FSTL5: variants seen among roughly 807,000 people sequenced by gnomAD.
FSTL5 encodes the protein follistatin-related protein 5.
Under a neutral mutation model 89.1 loss-of-function variants are expected in FSTL5, and 62 were observed. That is an observed-to-expected ratio of 0.70 (90% CI 0.57 to 0.86). FSTL5 has a LOEUF of 0.86. Ranked by LOEUF, FSTL5 falls within the 40% of genes least tolerant of loss-of-function variation. FSTL5 has a pLI of 0.00. For synonymous variants in FSTL5, 383 were observed against 346.2 expected, an observed-to-expected ratio of 1.11 and a Z score of -1.18; for missense variants, 1,057 against 1,001.6, an observed-to-expected ratio of 1.06 and a Z score of -0.75.
At chr4:161,998,420 A>T (rs1736363512) in intron 3 of FSTL5, among the ~76,000 whole-genome samples, 1 of 152,166 alleles carries the variant, frequency 6.6e-6, no homozygotes, top group Non-Finnish European at 1.5e-5. Flanking sequence ...ACAGCAATTA[A>T]CAAACACTGG....
rs1733795112 is a variant in FSTL5 at position 162,163,904 on chromosome 4, G to C, written c.-306C>G. ...AGGGTGCAAGAGGGCGTTGCCTTCA[G>C]GTGCTGGAGCAACTGGTCCGCTCGC... On this transcript the variant is annotated 5_prime_UTR_variant, in exon 1 of 16. Coordinates refer to ENST00000306100, the MANE Select transcript of FSTL5 (RefSeq NM_020116.5). The C allele has an allele frequency of 6.6e-6, 1 of 152,356 alleles. No individual in the cohort carries two copies. Among genetic ancestry groups the C allele is most frequent in the South Asian group, 2.1e-4 (1 of 4,832 alleles). The allele number at this position is 152,356 out of a possible 1,614,324, so 9.4% of individuals were successfully genotyped here. A position where few individuals can be genotyped will look rare whatever the true frequency, so the allele number is the denominator to read the frequency against.
At chr4:161,823,300 G>T (rs1479150375) in intron 4 of FSTL5, among the ~76,000 whole-genome samples, 1 of 152,126 alleles carries the variant, frequency 6.6e-6, no homozygotes, top group African/African-American at 2.4e-5. Flanking sequence ...CATCCACAGA[G>T]CCCAAGCTGT....
chr4:161,511,755 A>C (rs1437339987), intron 10 of FSTL5, among the ~76,000 whole-genome samples: 1 of 152,124 alleles, frequency 6.6e-6, no homozygotes, highest in African/African-American at 2.4e-5. Flanking sequence ...ATTGAAAACA[A>C]ATAAATACAA....
intron 3 of FSTL5, among the ~76,000 whole-genome samples, chr4:161,938,258 A>G (rs919682031): frequency 1.2e-4 from 19 of 152,224 alleles, no homozygotes; most frequent in African/African-American, 4.3e-4. Flanking sequence ...TTTGTTCAAA[A>G]ACTGTATCAT....
chr4:162,123,397 A>G (rs945067740), intron 1 of FSTL5, among the ~76,000 whole-genome samples: 1 of 152,196 alleles, frequency 6.6e-6, no homozygotes, highest in African/African-American at 2.4e-5. Context: ...GATATTTTCC[A>G]GAGAGATCCC....
At chr4:161,388,293 T>C (rs190315756) in intron 15 of FSTL5, 101 of 152,208 alleles carry the variant, frequency 6.6e-4, no homozygotes, top group African/African-American at 1.9e-3. Context: ...CCATTCAGGA[T>C]AAATTTCAGT....
intron 2 of FSTL5, among the ~76,000 whole-genome samples, chr4:162,085,908 T>A (rs1232628643): frequency 1.3e-5 from 2 of 152,058 alleles, no homozygotes; most frequent in African/African-American, 4.8e-5. Flanking sequence ...TTAATTTATA[T>A]CACAAACTGT....
chr4:161,933,875 T>C (rs1370051439), intron 3 of FSTL5, among the ~76,000 whole-genome samples: 1 of 152,086 alleles, frequency 6.6e-6, no homozygotes, highest in Non-Finnish European at 1.5e-5. Context: ...TTTGCTTACA[T>C]TGAAAACAGC....
At chr4:161,642,867 A>G (rs113200108) in intron 7 of FSTL5, among the ~76,000 whole-genome samples, 2,678 of 152,266 alleles carry the variant, frequency 0.018, 72 homozygotes, top group African/African-American at 0.059. Context: ...AATTACGGAG[A>G]TGAATGTTGG....
intron 6 of FSTL5, among the ~76,000 whole-genome samples, chr4:161,671,978 C>T (rs899071543): frequency 6.6e-6 from 1 of 152,146 alleles, no homozygotes; most frequent in African/African-American, 2.4e-5. Context: ...GTGAATCATT[C>T]ACAGTACTAA....
rs565538925 is a variant in FSTL5, at chr4:162,086,715, T to C, written c.126+24556A>G. Among the ~76,000 whole-genome samples the C allele has an allele frequency of 3.9e-5, 6 of 152,168 alleles. No homozygotes were observed. In the South Asian group the frequency reaches 1.2e-3, roughly 32 times the overall value. ...TTTATTGATCTGAGAGCTATAGATTTGTATATTTTAAAAAAGAGCTTAAAA... is the reference window on the plus strand; with the variant it reads ...TTTATTGATCTGAGAGCTATAGATTCGTATATTTTAAAAAAGAGCTTAAAA... On this transcript the variant is annotated intron_variant, in intron 2 of 15. Coordinates refer to ENST00000306100, the MANE Select transcript of FSTL5 (RefSeq NM_020116.5).
intron 4 of FSTL5, among the ~76,000 whole-genome samples, chr4:161,840,972 C>G (rs1264009450): frequency 6.6e-6 from 1 of 152,122 alleles, no homozygotes; most frequent in African/African-American, 2.4e-5. Context: ...ATTTCTCCCC[C>G]AACACCTGGA....
At chr4:161,855,853 G>A (rs979304109) in intron 4 of FSTL5, among the ~76,000 whole-genome samples, 1 of 152,086 alleles carries the variant, frequency 6.6e-6, no homozygotes, top group Admixed American at 6.6e-5. Flanking sequence ...TTACAAAAGT[G>A]TGTACTATTT....
At position 162,077,200 on chromosome 4, in the gene FSTL5, G is replaced by A. The variant is rs77392392; in HGVS notation, c.126+34071C>T. ...GTGGTCTTCCCTGGCAGAAAAGCAC[G>A]AGAGGGCAAGAGAGTGAGGGAGAGA... On this transcript the variant is annotated intron_variant, in intron 2 of 15. Coordinates refer to ENST00000306100, the MANE Select transcript of FSTL5 (RefSeq NM_020116.5). Among the ~76,000 whole-genome samples the A allele has an allele frequency of 6.4e-3, 971 of 151,876 alleles. 5 individuals are homozygous for A. Among genetic ancestry groups the A allele is most frequent in the Middle Eastern group, 0.01 (3 of 294 alleles).
chr4:161,405,326 A>G (rs1731337027), intron 15 of FSTL5, among the ~76,000 whole-genome samples: 2 of 152,072 alleles, frequency 1.3e-5, no homozygotes, highest in African/African-American at 4.8e-5. Context: ...AAAGGAAACT[A>G]GGAGAATGAT....
chr4:161,481,128 C>T lies in FSTL5; in HGVS notation c.1500G>A (p.Arg500=). Residue 500 remains arginine (R), a synonymous_variant, in exon 13 of 16, where the codon AGG becomes AGA. Transcript: ENST00000306100. ...CPKAEGDEVQ[R]CVWASAVNVK... Reference sequence around the variant, plus strand: ...CATTAACAGCTGATGCCCACACACACCTCTGAACTTCATCTCCCTCAGCTT... The same window carrying T: ...CATTAACAGCTGATGCCCACACACATCTCTGAACTTCATCTCCCTCAGCTT... 3 of 1,612,100 alleles carry T rather than the reference C, an allele frequency of 1.9e-6. No individual in the cohort carries two copies. The highest frequency in any genetic ancestry group is 2.5e-6 in the Non-Finnish European group (3 of 1,178,824).
At chr4:161,643,617 G>T (rs572093190) in intron 7 of FSTL5, among the ~76,000 whole-genome samples, 3 of 151,992 alleles carry the variant, frequency 2.0e-5, no homozygotes, top group Admixed American at 6.6e-5. Flanking sequence ...ATTAAACAAC[G>T]ATCATGTATG....
At chr4:161,901,111 C>T (rs192490843) in intron 4 of FSTL5, among the ~76,000 whole-genome samples, 505 of 151,578 alleles carry the variant, frequency 3.3e-3, no homozygotes, top group Middle Eastern at 6.8e-3. Context: ...GAGCTGCCAC[C>T]GCAATTCCAG....
chr4:161,645,112 C>A (rs1292945333), intron 7 of FSTL5, among the ~76,000 whole-genome samples: 1 of 151,904 alleles, frequency 6.6e-6, no homozygotes, highest in African/African-American at 2.4e-5. Context: ...TAGAACTTAA[C>A]TTTGGAATTT....
Sources: allele counts gnomAD v4.1 joint callset (sites outside exome capture counted in the v4.1 genomes callset), GRCh38; gene constraint gnomAD v4.1.1; transcripts MANE v1.5; gene names NCBI Gene and HGNC (gene_info 2026-07-23, HGNC 2026-07-21).